PARD3: variants seen among roughly 807,000 people sequenced by gnomAD.
PARD3 encodes the protein partitioning defective 3 homolog.
A neutral mutation model predicts 155.4 loss-of-function variants in PARD3; 75 were observed. That is an observed-to-expected ratio of 0.48 (90% CI 0.40 to 0.58). PARD3 has a LOEUF of 0.58. PARD3 is among the 20% of genes least tolerant of loss of function. The pLI is 0.00. For synonymous variants in PARD3, 576 were observed against 610.5 expected, an observed-to-expected ratio of 0.94 and a Z score of 0.83; for missense variants, 1,642 against 1,721.7, an observed-to-expected ratio of 0.95 and a Z score of 0.82.
chr10:34,236,020 T>C (rs946489475), intron 22 of PARD3, among the ~76,000 whole-genome samples: 3 of 152,228 alleles, frequency 2.0e-5, no homozygotes, highest in African/African-American at 7.2e-5. Flanking sequence ...ATCTTCTCTA[T>C]AGCTGGTGAA....
chr10:34,780,205 A>G (rs1336806327), intron 1 of PARD3, among the ~76,000 whole-genome samples: 6 of 152,258 alleles, frequency 3.9e-5, no homozygotes, highest in Non-Finnish European at 7.3e-5. Context: ...CTAACTTCAC[A>G]AACTAATCAC....
intron 22 of PARD3, among the ~76,000 whole-genome samples, chr10:34,222,157 A>G (rs981788467): frequency 1.3e-5 from 2 of 152,254 alleles, no homozygotes; most frequent in African/African-American, 4.8e-5. Context: ...CAAGTTGGGA[A>G]GGAGACCACA....
intron 5 of PARD3, among the ~76,000 whole-genome samples, chr10:34,448,547 CA>C (rs2076881876): frequency 6.6e-6 from 1 of 152,092 alleles, no homozygotes; most frequent in African/African-American, 2.4e-5. Context: ...TGCCTATAAC[CA>C]TGACACTTTG....
At chr10:34,475,100 C>T (rs559317621) in intron 3 of PARD3, among the ~76,000 whole-genome samples, 2 of 152,064 alleles carry the variant, frequency 1.3e-5, no homozygotes, top group Admixed American at 1.3e-4. Context: ...AAATTGATGA[C>T]CTCAAAGAGT....
chr10:34,126,102 C>T (rs1947274798), intron 23 of PARD3, among the ~76,000 whole-genome samples: 1 of 152,168 alleles, frequency 6.6e-6, no homozygotes, highest in Non-Finnish European at 1.5e-5. Flanking sequence ...TTGCACCTGG[C>T]ACTACGTGAG....
intron 22 of PARD3, among the ~76,000 whole-genome samples, chr10:34,199,521 T>G (rs1478613003): frequency 6.6e-6 from 1 of 152,106 alleles, no homozygotes; most frequent in African/African-American, 2.4e-5. Flanking sequence ...CATGGTTTCA[T>G]GAGGGTGACC....
chr10:34,456,777 A>G (rs183795330), intron 4 of PARD3, among the ~76,000 whole-genome samples: 136 of 152,332 alleles, frequency 8.9e-4, no homozygotes, highest in Middle Eastern at 3.4e-3. Context: ...TATTATCCAT[A>G]GTTCTTAAAA....
intron 1 of PARD3, among the ~76,000 whole-genome samples, chr10:34,772,506 T>C (rs948729989): frequency 5.3e-5 from 8 of 149,960 alleles, no homozygotes; most frequent in South Asian, 4.2e-4. Flanking sequence ...AAATGAGGAA[T>C]ACACGCCGGG....
At chr10:34,421,892 G>A (rs1846221795) in intron 5 of PARD3, among the ~76,000 whole-genome samples, 1 of 152,192 alleles carries the variant, frequency 6.6e-6, no homozygotes, top group Non-Finnish European at 1.5e-5. Context: ...TGGGGACGTT[G>A]CAGAGGCAGC....
intron 11 of PARD3, among the ~76,000 whole-genome samples, chr10:34,374,243 C>A (rs758350427): frequency 6.6e-6 from 1 of 152,122 alleles, no homozygotes; most frequent in African/African-American, 2.4e-5. Flanking sequence ...TGTAAATACT[C>A]AGATGTATTA....
At chr10:34,637,451 A>G (rs2092519685) in intron 2 of PARD3, among the ~76,000 whole-genome samples, 1 of 152,226 alleles carries the variant, frequency 6.6e-6, no homozygotes. Context: ...TTTAATTACA[A>G]GTGATCCTGT....
At chr10:34,309,679 G>T (rs1302164465) in intron 20 of PARD3, among the ~76,000 whole-genome samples, 1 of 151,214 alleles carries the variant, frequency 6.6e-6, no homozygotes, top group Non-Finnish European at 1.5e-5. Context: ...GACCAGAATG[G>T]TTTTTTGGGA....
chr10:34,526,980 G>T (rs182915426), intron 2 of PARD3, among the ~76,000 whole-genome samples: 5 of 152,212 alleles, frequency 3.3e-5, no homozygotes, highest in Admixed American at 3.3e-4. Flanking sequence ...TTGCCATCTG[G>T]TAAACTCTAT....
At chr10:34,240,936 T>A (rs557183729) in intron 22 of PARD3, among the ~76,000 whole-genome samples, 90 of 152,182 alleles carry the variant, frequency 5.9e-4, no homozygotes, top group Non-Finnish European at 6.8e-4. Context: ...CACACATCCA[T>A]GAAACCAGTG....
intron 22 of PARD3, among the ~76,000 whole-genome samples, chr10:34,226,958 C>T (rs1952630562): frequency 6.6e-6 from 1 of 152,134 alleles, no homozygotes; most frequent in Admixed American, 6.5e-5. Flanking sequence ...AATCCACATG[C>T]ATGGCAAAGA....
intron 1 of PARD3, among the ~76,000 whole-genome samples, chr10:34,805,642 A>G (rs1843287398): frequency 6.6e-6 from 1 of 151,406 alleles, no homozygotes; most frequent in Admixed American, 6.6e-5. Flanking sequence ...ACTTCTGAGC[A>G]TGATGTGATT....
chr10:34,456,463 A>C (rs2077346804), intron 4 of PARD3, among the ~76,000 whole-genome samples: 1 of 151,880 alleles, frequency 6.6e-6, no homozygotes, highest in South Asian at 2.1e-4. Flanking sequence ...TGCCTGGCTA[A>C]TTTTTTGTAT....
intron 22 of PARD3, among the ~76,000 whole-genome samples, chr10:34,222,278 T>TA: frequency 6.6e-6 from 1 of 152,178 alleles, no homozygotes; most frequent in Non-Finnish European, 1.5e-5. Flanking sequence ...AAGTATGTAT[T>TA]AACAGCTAGC....
Position 34,378,029 on chromosome 10 carries a change from T to C in PARD3, c.1477A>G (p.Ile493Val). ...GGSAPIYVKN[I>V]LPRGAAIQDG... ...TGAATGGCCGCCCCCCGGGGGAGAA[T>C]GTTTTTCACATAGATTGGAGCTGAG... The change falls in exon 10 of 25, where the codon ATT (isoleucine) becomes GTT (valine). Residue 493 changes from isoleucine to valine, a missense_variant. Physicochemically the swap from Ile to Val is conservative, Grantham distance 29. This residue lies in a region of PARD3 where 1,529 missense variants were observed against 1,587.3 expected (regional missense o/e 0.96). Transcript: ENST00000374788. 6.3e-7 allele frequency: 1 copy of C among 1,591,012 alleles called. No individual in the cohort carries two copies. The highest frequency in any genetic ancestry group is 8.5e-7 in the Non-Finnish European group (1 of 1,170,788).
Sources: allele counts gnomAD v4.1 joint callset (sites outside exome capture counted in the v4.1 genomes callset), GRCh38; gene constraint gnomAD v4.1.1; regional missense constraint gnomAD v4.1.1; transcripts MANE v1.5; gene names NCBI Gene and HGNC (gene_info 2026-07-23, HGNC 2026-07-21).